Variants in NPHS1 observed in about 807,000 individuals in gnomAD.
NPHS1 encodes the protein nephrin.
Under a neutral mutation model 139.7 loss-of-function variants are expected in NPHS1, and 107 were observed. That is an observed-to-expected ratio of 0.77 (90% CI 0.66 to 0.90). The LOEUF is 0.90. Ranked by LOEUF, NPHS1 falls within the 40% of genes least tolerant of loss-of-function variation. The probability of loss-of-function intolerance (pLI) is 0.00; values close to 1 mark genes in which losing one functional copy is unlikely to be tolerated. For missense variants in NPHS1, 1,580 were observed against 1,654.2 expected (o/e 0.96, Z 0.78); for synonymous variants, 707 against 706.6 (o/e 1.00, Z -0.01).
In NPHS1 at chr19:35,852,072, T is replaced by G. The variant is rs902669148; in HGVS notation, c.-235A>C. On this transcript the variant is annotated 5_prime_UTR_variant, in exon 1 of 29. Coordinates refer to ENST00000378910, the MANE Select transcript of NPHS1 (RefSeq NM_004646.4). ...CTTTCTCTGTCTCTTTAAAAAAACT[T>G]TTTTTTCTTTTTTCTTTTTTTTTTC... Among the ~76,000 whole-genome samples, 1 of 151,452 alleles carries G rather than the reference T, an allele frequency of 6.6e-6. No individual in the cohort carries two copies. The highest frequency in any genetic ancestry group is 6.6e-5 in the Admixed American group (1 of 15,234).
intron 22 of NPHS1, among the ~76,000 whole-genome samples, chr19:35,836,259 A>ATT (rs577656249): frequency 1.4e-4 from 19 of 135,486 alleles, no homozygotes; most frequent in African/African-American, 4.1e-4. Flanking sequence ...GCGCCTGGCC[A>ATT]TTTTTTTTTT....
intron 22 of NPHS1, among the ~76,000 whole-genome samples, chr19:35,837,619 T>G (rs1972985818): frequency 6.6e-6 from 1 of 151,536 alleles, no homozygotes; most frequent in Non-Finnish European, 1.5e-5. Context: ...CTTTCTTTCT[T>G]TAGATGGAGT....
chr19:35,833,606 G>T (rs1425548296), intron 23 of NPHS1, among the ~76,000 whole-genome samples: 1 of 152,224 alleles, frequency 6.6e-6, no homozygotes, highest in Non-Finnish European at 1.5e-5. Context: ...TGAAGGCAAA[G>T]TTGAGAGAGG....
chr19:35,848,570 C>T (rs929187724), intron 9 of NPHS1, 67 bp downstream of exon 9: 7 of 1,600,632 alleles, frequency 4.4e-6, no homozygotes, highest in Non-Finnish European at 6.0e-6. Context: ...CCCACCCCTT[C>T]CCTATCCACG....
Position 35,848,730 on chromosome 19 carries a change from G to A in NPHS1, c.1077C>T (p.Leu359=). 2 of 1,614,164 alleles carry A rather than the reference G, an allele frequency of 1.2e-6. No homozygotes were observed. Among genetic ancestry groups the A allele is most frequent in the Non-Finnish European group, 1.7e-6 (2 of 1,179,996 alleles). The part of the protein sequence containing the change: ...ASQTENKNVT[L]SCVSKSSRPR... ...GGCGACTGGACTTGCTGACACAGGA[G>A]AGTGTCACGTTCTTGTTCTCAGTCT... Residue 359 remains leucine, a synonymous_variant, in exon 9 of 29, where the codon CTC becomes CTT. Transcript: ENST00000378910.
In NPHS1 at chr19:35,839,315, C is replaced by A; in HGVS notation, c.3031G>T (p.Val1011Phe). 6.2e-7 allele frequency: 1 copy of A among 1,614,222 alleles called. No individual in the cohort carries two copies. The highest frequency in any genetic ancestry group is 8.5e-7 in the Non-Finnish European group (1 of 1,180,046). The change falls in exon 22 of 29, where the codon GTC becomes TTC. Residue 1011 changes from valine (V) to phenylalanine (F), a missense_variant. By Grantham distance (50) the Val-to-Phe change is conservative. Transcript: ENST00000378910. ...TGLQPSTRYR[V>F]WLLASNALGD... ...AAGGCATTACTGGCCAGCAGCCAGA[C>A]CCTGTATCTTGTAGAAGGCTGTAGA...
intron 16 of NPHS1, 181 bp downstream of exon 16, chr19:35,843,922 G>T: frequency 1.2e-6 from 1 of 840,312 alleles, no homozygotes; most frequent in Non-Finnish European, 1.8e-6. Context: ...TTCCACACTG[G>T]GTCTCTCTAG....
chr19:35,828,534 G>T (rs750389283), intron 28 of NPHS1, among the ~76,000 whole-genome samples: 1 of 152,172 alleles, frequency 6.6e-6, no homozygotes, highest in African/African-American at 2.4e-5. Flanking sequence ...AAAATGCTGG[G>T]ATTATAGGCA....
At chr19:35,840,674 A>G (rs1973042372) in intron 20 of NPHS1, among the ~76,000 whole-genome samples, 1 of 146,068 alleles carries the variant, frequency 6.8e-6, no homozygotes, top group African/African-American at 2.6e-5. Context: ...ATTTGCGTCA[A>G]GCAATCAATA....
At position 35,845,513 on chromosome 19, in the gene NPHS1, C is replaced by T. The variant is rs1386661891; in HGVS notation, c.1785G>A (p.Arg595=). 6.2e-7 allele frequency: 1 copy of T among 1,610,066 alleles called. No homozygotes were observed. The highest frequency in any genetic ancestry group is 8.5e-7 in the Non-Finnish European group (1 of 1,178,690). ...CGGCGGAGCCTTTGAATGGGGCTCT[C>T]CGGGGTGGGGCGGCCACGCCCTCCA... ...ERLEGVAAPP[R]RAPFKGSAAA... The change falls in exon 14 of 29, where the codon CGG becomes CGA. Residue 595 remains arginine (R), a synonymous_variant. Coordinates refer to ENST00000378910, the MANE Select transcript of NPHS1 (RefSeq NM_004646.4). The surrounding 1 kb of genome is among the most constrained non-coding windows in gnomAD (Gnocchi z 5.5).
chr19:35,845,338 C>T lies in NPHS1; in HGVS notation c.1930+30G>A. 1.9e-6 allele frequency: 3 copies of T among 1,613,412 alleles called. No homozygotes were observed. Among genetic ancestry groups the T allele is most frequent in the Middle Eastern group, 1.7e-4 (1 of 6,006 alleles). ...GAGTAGTTTAGGGTCAAGAAGGCAT[C>T]GAGAGGGGCTTTCAGGCCGGGGCAC... is the stretch of plus-strand genomic sequence containing the variant. On this transcript the variant is annotated intron_variant, in intron 14 of 28. Coordinates refer to ENST00000378910, the MANE Select transcript of NPHS1 (RefSeq NM_004646.4). The surrounding 1 kb of genome is among the most constrained non-coding windows in gnomAD (Gnocchi z 5.5).
rs750251097 is a variant in NPHS1, at chr19:35,848,030, G to A, written c.1440+11C>T. On this transcript the variant is annotated intron_variant, in intron 11 of 28. Coordinates refer to ENST00000378910, the MANE Select transcript of NPHS1 (RefSeq NM_004646.4). ...TCCTGGCCACCCCCATAGCCCTGGC[G>A]TGGCACCAACCTTGTACCACATGAG... The A allele has an allele frequency of 1.7e-5, 27 of 1,613,340 alleles. No homozygotes were observed. Among genetic ancestry groups the A allele is most frequent in the Admixed American group, 5.0e-5 (3 of 60,002 alleles).
In NPHS1 at chr19:35,843,470, A is replaced by G. The variant is rs1306056914; in HGVS notation, c.2334+2T>C. ...TCTATTCACCAAAGGCTGGATCCTCACCAGTCTCTCCCAGTTGAACATGCC... is the reference window on the plus strand; with the variant it reads ...TCTATTCACCAAAGGCTGGATCCTCGCCAGTCTCTCCCAGTTGAACATGCC... On this transcript the variant is annotated splice_donor_variant, in intron 17 of 28. Coordinates refer to ENST00000378910, the MANE Select transcript of NPHS1 (RefSeq NM_004646.4). LOFTEE classifies it high-confidence loss of function. The G allele has an allele frequency of 6.2e-7, 1 of 1,613,998 alleles. No homozygotes were observed. Among genetic ancestry groups the G allele is most frequent in the Non-Finnish European group, 8.5e-7 (1 of 1,179,930 alleles).
At chr19:35,841,212 G>A (rs1244825617) in intron 20 of NPHS1, among the ~76,000 whole-genome samples, 1 of 151,716 alleles carries the variant, frequency 6.6e-6, no homozygotes, top group Non-Finnish European at 1.5e-5. Context: ...GTCTCTACTA[G>A]AAATACAAAA....
chr19:35,840,652 T>C (rs1191362942), intron 20 of NPHS1, among the ~76,000 whole-genome samples: 2 of 150,218 alleles, frequency 1.3e-5, no homozygotes, highest in African/African-American at 4.9e-5. Context: ...TCTTTAAACG[T>C]CTCATCATAG....
chr19:35,837,562 G>A (rs937382055), intron 22 of NPHS1, among the ~76,000 whole-genome samples: 4 of 151,236 alleles, frequency 2.6e-5, no homozygotes, highest in African/African-American at 4.9e-5. Context: ...GGTTTAATTT[G>A]TTCGTCTTTT....
In NPHS1 at chr19:35,848,358, A is replaced by G. The variant is rs759004856; in HGVS notation, c.1210T>C (p.Phe404Leu). The G allele has an allele frequency of 6.2e-7, 1 of 1,614,096 alleles. No individual in the cohort carries two copies. The highest frequency in any genetic ancestry group is 1.7e-5 in the Admixed American group (1 of 60,006). Residue 404 changes from phenylalanine (F) to leucine (L), a missense_variant, in exon 10 of 29, where the codon TTC (phenylalanine) becomes CTC (leucine). By Grantham distance (22) the Phe-to-Leu change is conservative. Transcript: ENST00000378910. ...GGHISMSNLT[F>L]LARREDNGLT... is the part of the protein sequence containing the mutation. ...CCGTTGTCCTCCCGCCGCGCCAGGA[A>G]TGTCAGGTTGGACATGGAGATGTGA...
chr19:35,838,382 G>A (rs138328353), intron 22 of NPHS1, among the ~76,000 whole-genome samples: 4,164 of 151,754 alleles, frequency 0.027, 200 homozygotes, highest in African/African-American at 0.095. Flanking sequence ...GCGAAACCCC[G>A]TCTCTACTAA....
At chr19:35,838,973 A>G (rs529250050) in intron 22 of NPHS1, among the ~76,000 whole-genome samples, 132 of 152,334 alleles carry the variant, frequency 8.7e-4, no homozygotes, top group Non-Finnish European at 1.4e-3. Flanking sequence ...TTTCATTTTC[A>G]TTTAATTCAA....
Sources: allele counts gnomAD v4.1 joint callset (sites outside exome capture counted in the v4.1 genomes callset), GRCh38; gene constraint gnomAD v4.1.1; non-coding constraint Gnocchi (gnomAD v3.1); transcripts MANE v1.5; gene names NCBI Gene and HGNC (gene_info 2026-07-23, HGNC 2026-07-21).